TTC39B: variants seen among roughly 807,000 people sequenced by gnomAD.
The protein encoded by TTC39B is tetratricopeptide repeat protein 39B.
In TTC39B, 92 loss-of-function variants were observed where a neutral mutation model predicts 96.6. That is an observed-to-expected ratio of 0.95 (90% CI 0.80 to 1.13). The LOEUF is 1.13. Ranked by LOEUF, TTC39B falls within the 50% of genes most tolerant of loss-of-function variation. TTC39B has a pLI of 0.00. For synonymous variants in TTC39B, 367 were observed against 299.4 expected (o/e 1.23, Z -2.33); for missense variants, 955 against 809.3 (o/e 1.18, Z -2.18).
intron 17 of TTC39B, among the ~76,000 whole-genome samples, chr9:15,179,846 C>T (rs1376418578): frequency 6.6e-6 from 1 of 152,108 alleles, no homozygotes; most frequent in Non-Finnish European, 1.5e-5. Flanking sequence ...ACTTCTATGA[C>T]GAACTTGAGT....
exon 1 of TTC39B, chr9:15,307,139 C>T (rs1443879981): frequency 5.0e-6 from 8 of 1,608,132 alleles, no homozygotes; most frequent in Non-Finnish European, 5.9e-6. Flanking sequence ...CCTCCTCTGG[C>T]TGCTGCCACC....
intron 1 of TTC39B, among the ~76,000 whole-genome samples, chr9:15,269,476 C>A (rs556622487): frequency 3.9e-5 from 6 of 152,326 alleles, no homozygotes; most frequent in African/African-American, 1.4e-4. Context: ...GATCTTTTCC[C>A]TTGTGTGGCC....
At chr9:15,176,521 A>G (rs918319598) in intron 18 of TTC39B, among the ~76,000 whole-genome samples, 4 of 152,308 alleles carry the variant, frequency 2.6e-5, no homozygotes, top group Admixed American at 2.6e-4. Flanking sequence ...CACGGATGGA[A>G]AGGCACATGA....
At chr9:15,234,126 C>T (rs1442189953) in intron 2 of TTC39B, among the ~76,000 whole-genome samples, 11 of 146,318 alleles carry the variant, frequency 7.5e-5, no homozygotes, top group Non-Finnish European at 1.4e-4. Flanking sequence ...CCGGCCGCCC[C>T]GTCTGAGAAG....
At chr9:15,221,891 T>C (rs1025823516) in intron 3 of TTC39B, among the ~76,000 whole-genome samples, 6 of 152,256 alleles carry the variant, frequency 3.9e-5, no homozygotes, top group Non-Finnish European at 1.5e-5. Flanking sequence ...TTACATATGG[T>C]AACACTTTTA....
chr9:15,177,710 G>C (rs764682188), exon 18 of TTC39B: 26 of 1,609,464 alleles, frequency 1.6e-5, no homozygotes, highest in Non-Finnish European at 2.2e-5. Flanking sequence ...TCCACAACAT[G>C]ATTGTAACAT....
chr9:15,198,548 C>T (rs1160256242), intron 8 of TTC39B, among the ~76,000 whole-genome samples: 1 of 150,780 alleles, frequency 6.6e-6, no homozygotes, highest in Non-Finnish European at 1.5e-5. Context: ...TAATTTATGT[C>T]CAGTGCTACA....
chr9:15,287,389 C>G (rs909091049), intron 1 of TTC39B, among the ~76,000 whole-genome samples: 4 of 152,204 alleles, frequency 2.6e-5, no homozygotes, highest in Non-Finnish European at 4.4e-5. Flanking sequence ...CAGAACAGGT[C>G]AGTCGTAACA....
chr9:15,234,054 G>A (rs1802846832), intron 2 of TTC39B, among the ~76,000 whole-genome samples: 1 of 140,244 alleles, frequency 7.1e-6, no homozygotes, highest in African/African-American at 2.9e-5. Context: ...CGCCCCGTCT[G>A]GGATGTGAGG....
At chr9:15,264,654 T>TAAAAAAA (rs546870324) in intron 2 of TTC39B, among the ~76,000 whole-genome samples, 1 of 118,092 alleles carries the variant, frequency 8.5e-6, no homozygotes. Context: ...GACTCTGTCT[T>TAAAAAAA]AAAAAAAAAA....
intron 1 of TTC39B, among the ~76,000 whole-genome samples, chr9:15,296,512 G>T (rs964823493): frequency 4.6e-5 from 7 of 151,712 alleles, no homozygotes. Context: ...TTTTTTTTTT[G>T]AGAAGGAATT....
intron 8 of TTC39B, among the ~76,000 whole-genome samples, chr9:15,199,167 G>A (rs149595279): frequency 8.2e-4 from 125 of 152,270 alleles, no homozygotes; most frequent in Non-Finnish European, 1.5e-3. Context: ...TATGAACAAC[G>A]CTACAGCCAC....
intron 2 of TTC39B, among the ~76,000 whole-genome samples, chr9:15,233,667 G>A (rs546464693): frequency 3.9e-5 from 6 of 152,328 alleles, no homozygotes; most frequent in African/African-American, 1.4e-4. Flanking sequence ...GCTCAATGGT[G>A]CCCAGGCTGG....
intron 14 of TTC39B, among the ~76,000 whole-genome samples, chr9:15,187,750 G>A (rs1047673626): frequency 2.6e-5 from 4 of 152,212 alleles, no homozygotes; most frequent in South Asian, 2.1e-4. Flanking sequence ...ATGGGCCATC[G>A]CATTTGGCCC....
rs562316481 is a variant in TTC39B, at chr9:15,188,569, A to G, written c.1234-437T>C. On this transcript the variant is annotated intron_variant, in intron 13 of 19. Coordinates refer to ENST00000512701, the Ensembl canonical transcript of TTC39B. ...TTCTGTAAGAAAAAGAAAACTCAACAGGAAACAGGCAAAGATGTAAATAGG... is the reference window on the plus strand; with the variant it reads ...TTCTGTAAGAAAAAGAAAACTCAACGGGAAACAGGCAAAGATGTAAATAGG... 2.8e-4 allele frequency among the ~76,000 whole-genome samples: 43 copies of G among 152,344 alleles called. 1 individual carries two copies. In the South Asian group the frequency reaches 3.9e-3, roughly 14 times the overall value.
chr9:15,199,450 G>C (rs1274225870), intron 8 of TTC39B, among the ~76,000 whole-genome samples: 1 of 151,936 alleles, frequency 6.6e-6, no homozygotes, highest in Non-Finnish European at 1.5e-5. Context: ...AAAAATCCTA[G>C]TCAGGCCAGG....
intron 17 of TTC39B, among the ~76,000 whole-genome samples, chr9:15,181,028 G>A (rs534065085): frequency 2.0e-5 from 3 of 152,258 alleles, no homozygotes; most frequent in South Asian, 4.1e-4. Flanking sequence ...AGGAATGGGT[G>A]GAGGAGAGTG....
intron 1 of TTC39B, among the ~76,000 whole-genome samples, chr9:15,275,589 GAGA>G (rs1271797074): frequency 3.3e-5 from 5 of 152,184 alleles, no homozygotes; most frequent in Non-Finnish European, 1.5e-5. Context: ...AGTCTTCTGG[GAGA>G]AGGAGGATAC....
intron 16 of TTC39B, among the ~76,000 whole-genome samples, chr9:15,184,775 A>C (rs1818430613): frequency 6.6e-6 from 1 of 152,232 alleles, no homozygotes; most frequent in South Asian, 2.1e-4. Flanking sequence ...TTGGTTCAAT[A>C]TGAAAGAATG....
Sources: allele counts gnomAD v4.1 joint callset (sites outside exome capture counted in the v4.1 genomes callset), GRCh38; gene constraint gnomAD v4.1.1; transcripts MANE v1.5; gene names NCBI Gene and HGNC (gene_info 2026-07-23, HGNC 2026-07-21).